The following DOCK4 variants were observed in gnomAD, a reference collection of about 807,000 sequenced individuals.
DOCK4 encodes dedicator of cytokinesis 4, also known as dedicator of cytokinesis protein 4.
DOCK4 carries 97 observed loss-of-function variants against 268.1 expected under a neutral mutation model. That is an observed-to-expected ratio of 0.36 (90% CI 0.31 to 0.43). DOCK4 has a LOEUF of 0.43. DOCK4 is among the 20% of genes least tolerant of loss of function. DOCK4 has a pLI of 1.00. For synonymous variants in DOCK4, 954 were observed against 887.2 expected (o/e 1.08, Z -1.34); for missense variants, 2,145 against 2,455.7 (o/e 0.87, Z 2.67).
chr7:112,173,824 A>C (rs1043813309), intron 1 of DOCK4, among the ~76,000 whole-genome samples: 1 of 152,184 alleles, frequency 6.6e-6, no homozygotes, highest in African/African-American at 2.4e-5. Context: ...CCTAAGCAGC[A>C]TGATGGCCAA....
chr7:112,061,538 C>T (rs1037441766), intron 1 of DOCK4, among the ~76,000 whole-genome samples: 1 of 152,118 alleles, frequency 6.6e-6, no homozygotes, highest in African/African-American at 2.4e-5. Flanking sequence ...CTTTCTAACA[C>T]TCCATCCTTA....
At chr7:111,990,787 G>A (rs1190144845) in intron 5 of DOCK4, among the ~76,000 whole-genome samples, 1 of 152,112 alleles carries the variant, frequency 6.6e-6, no homozygotes, top group Non-Finnish European at 1.5e-5. Flanking sequence ...GTAATTAACT[G>A]CTCAATGTCC....
intron 23 of DOCK4, among the ~76,000 whole-genome samples, chr7:111,853,085 C>T (rs938915349): frequency 3.9e-5 from 6 of 152,122 alleles, no homozygotes; most frequent in African/African-American, 1.2e-4. Flanking sequence ...GGATATACAG[C>T]CAGCTCCCAT....
chr7:112,187,666 G>C (rs768972495), intron 1 of DOCK4, among the ~76,000 whole-genome samples: 1 of 152,156 alleles, frequency 6.6e-6, no homozygotes, highest in Admixed American at 6.6e-5. Flanking sequence ...GTCATGCCAT[G>C]ATGACATTCT....
At chr7:112,106,842 G>C (rs1477688931) in intron 1 of DOCK4, among the ~76,000 whole-genome samples, 1 of 152,152 alleles carries the variant, frequency 6.6e-6, no homozygotes, top group Admixed American at 6.5e-5. Flanking sequence ...GAGAAGATGT[G>C]TATGCAAAAG....
chr7:111,765,313 GAACTTTA>G (rs1797700827), intron 38 of DOCK4, 91 bp from the exon 39 acceptor site: 1 of 796,584 alleles, frequency 1.3e-6, no homozygotes, highest in South Asian at 1.9e-5. Context: ...ACATAAAGGA[GAACTTTA>G]TTTTAATTGA....
chr7:112,190,771 T>C (rs1250039961), intron 1 of DOCK4, among the ~76,000 whole-genome samples: 2 of 152,120 alleles, frequency 1.3e-5, no homozygotes, highest in African/African-American at 4.8e-5. Context: ...GTCCAAAGCA[T>C]GTACTAGAGA....
chr7:112,124,798 A>G (rs190957708), intron 1 of DOCK4, among the ~76,000 whole-genome samples: 3 of 152,340 alleles, frequency 2.0e-5, no homozygotes, highest in Non-Finnish European at 2.9e-5. Flanking sequence ...CACATTCACT[A>G]AAGCAATATG....
intron 42 of DOCK4, among the ~76,000 whole-genome samples, chr7:111,751,032 A>G (rs1040364125): frequency 6.6e-6 from 1 of 152,196 alleles, no homozygotes; most frequent in Non-Finnish European, 1.5e-5. Flanking sequence ...ACATGAAATA[A>G]AATATCACCA....
chr7:111,730,895 T>A (rs1795039987), intron 52 of DOCK4, among the ~76,000 whole-genome samples: 1 of 152,254 alleles, frequency 6.6e-6, no homozygotes, highest in African/African-American at 2.4e-5. Flanking sequence ...CAAACATTTT[T>A]AGCTCTTGGG....
At chr7:111,831,511 G>T (rs1274210670) in intron 26 of DOCK4, among the ~76,000 whole-genome samples, 1 of 150,460 alleles carries the variant, frequency 6.6e-6, no homozygotes, top group Non-Finnish European at 1.5e-5. Context: ...TAGAGACAGG[G>T]TCTCCCTCTG....
intron 1 of DOCK4, among the ~76,000 whole-genome samples, chr7:112,134,451 G>A (rs886268959): frequency 6.6e-6 from 1 of 152,190 alleles, no homozygotes; most frequent in Non-Finnish European, 1.5e-5. Flanking sequence ...TGGGCACGGT[G>A]GCTCACGCCT....
chr7:112,039,510 T>C (rs1194711809), intron 1 of DOCK4, among the ~76,000 whole-genome samples: 1 of 152,074 alleles, frequency 6.6e-6, no homozygotes, highest in Admixed American at 6.6e-5. Flanking sequence ...ATTATACTTA[T>C]CCTTAAACTA....
At chr7:111,877,293 C>G (rs1354050242) in intron 16 of DOCK4, 107 bp from the exon 17 acceptor site, 2 of 989,440 alleles carry the variant, frequency 2.0e-6, no homozygotes, top group Non-Finnish European at 2.6e-6. Flanking sequence ...ACATTCCAAA[C>G]AGTATTACAA....
chr7:112,034,269 C>A (rs2135472435), intron 1 of DOCK4, among the ~76,000 whole-genome samples: 1 of 152,254 alleles, frequency 6.6e-6, no homozygotes, highest in Non-Finnish European at 1.5e-5. Flanking sequence ...TTTAAAGGAA[C>A]TAAGCAAGAA....
intron 1 of DOCK4, among the ~76,000 whole-genome samples, chr7:112,115,726 G>T (rs780895660): frequency 6.6e-6 from 1 of 151,922 alleles, no homozygotes; most frequent in Non-Finnish European, 1.5e-5. Context: ...TTTTTGCCCA[G>T]GCTGGAGTGC....
At chr7:111,767,896 C>T (rs1797862527) in intron 37 of DOCK4, among the ~76,000 whole-genome samples, 1 of 152,010 alleles carries the variant, frequency 6.6e-6, no homozygotes, top group South Asian at 2.1e-4. Flanking sequence ...ATTCTTTAAT[C>T]TAGTATAGGT....
intron 1 of DOCK4, among the ~76,000 whole-genome samples, chr7:112,164,742 G>T (rs950322599): frequency 2.6e-5 from 4 of 152,174 alleles, no homozygotes; most frequent in Admixed American, 6.5e-5. Flanking sequence ...TGCCTTACTT[G>T]TTGAATCTTT....
At chr7:112,071,709 T>G (rs1395150513) in intron 1 of DOCK4, among the ~76,000 whole-genome samples, 1 of 152,218 alleles carries the variant, frequency 6.6e-6, no homozygotes, top group Non-Finnish European at 1.5e-5. Flanking sequence ...GTATTTTTAT[T>G]CACAATTACC....
Sources: allele counts gnomAD v4.1 joint callset (sites outside exome capture counted in the v4.1 genomes callset), GRCh38; gene constraint gnomAD v4.1.1; transcripts MANE v1.5; gene names NCBI Gene and HGNC (gene_info 2026-07-23, HGNC 2026-07-21).